Variants in TRABD2A observed in about 807,000 individuals in gnomAD.
The protein encoded by TRABD2A is metalloprotease TIKI1.
Under a neutral mutation model 45.6 loss-of-function variants are expected in TRABD2A, and 43 were observed. The ratio of observed to expected loss-of-function variants is 0.94; its 90% CI spans 0.74 to 1.22. The LOEUF (loss-of-function observed/expected upper bound fraction) is 1.22, where lower values mean the gene tolerates loss of function less well. TRABD2A is among the 50% of genes most tolerant of loss of function. The pLI is 0.00. For synonymous variants in TRABD2A, 269 were observed against 265.0 expected (o/e 1.02, Z -0.15); for missense variants, 642 against 652.4 (o/e 0.98, Z 0.17).
In TRABD2A at chr2:84,824,002, T is replaced by A; in HGVS notation, c.1285A>T (p.Arg429Trp). The change falls in exon 6 of 7, where the codon AGG (arginine) becomes TGG (tryptophan). Residue 429 changes from arginine (R) to tryptophan (W), a missense_variant. Coordinates refer to ENST00000409520, the MANE Select transcript of TRABD2A (RefSeq NM_001277053.2). The part of the protein sequence containing the change: ...FRKKRRRSQR[R>W]PRLRQFSDLW... The stretch of plus-strand genomic sequence containing the variant: ...TCGCTGAATTGCCGGAGTCGCGGCC[T>A]CCGCTGTGACCGCCTCCGCTTCTTC... 3 of 1,613,840 alleles carry A rather than the reference T, an allele frequency of 1.9e-6. No individual in the cohort carries two copies. Among genetic ancestry groups the A allele is most frequent in the Non-Finnish European group, 2.5e-6 (3 of 1,179,782 alleles).
intron 2 of TRABD2A, chr2:84,849,507 A>G (rs559352800): frequency 6.6e-6 from 1 of 152,200 alleles, no homozygotes; most frequent in African/African-American, 2.4e-5. Flanking sequence ...TAATTGCTGC[A>G]TATAAACCAA....
intron 2 of TRABD2A, among the ~76,000 whole-genome samples, chr2:84,845,137 G>A (rs1234367467): frequency 6.6e-6 from 1 of 152,148 alleles, no homozygotes; most frequent in Non-Finnish European, 1.5e-5. Flanking sequence ...GATCCCTTGA[G>A]GTCAGGAGTT....
chr2:84,866,632 T>C (rs185213353), intron 2 of TRABD2A, among the ~76,000 whole-genome samples: 38 of 152,184 alleles, frequency 2.5e-4, no homozygotes, highest in Admixed American at 2.3e-3. Flanking sequence ...CACTGTATGT[T>C]CACTCCCTTC....
chr2:84,838,902 G>A (rs1285039358), intron 4 of TRABD2A, among the ~76,000 whole-genome samples: 2 of 152,218 alleles, frequency 1.3e-5, no homozygotes, highest in Non-Finnish European at 2.9e-5. Context: ...TTTCCCAGCT[G>A]GCTTATGTGT....
chr2:84,822,194 T>G, intron 6 of TRABD2A, 94 bp from the exon 7 acceptor site: 1 of 1,076,468 alleles, frequency 9.3e-7, no homozygotes, highest in Admixed American at 2.9e-5. Flanking sequence ...TCTCTTCATC[T>G]CCCCTCCTTA....
intron 2 of TRABD2A, among the ~76,000 whole-genome samples, chr2:84,844,780 C>T (rs1415128299): frequency 1.3e-5 from 2 of 152,230 alleles, no homozygotes; most frequent in Non-Finnish European, 2.9e-5. Flanking sequence ...CCAAGTCCCA[C>T]ATATTCTGTC....
At chr2:84,834,112 C>G (rs999621509) in intron 4 of TRABD2A, 5 of 152,248 alleles carry the variant, frequency 3.3e-5, no homozygotes, top group African/African-American at 1.2e-4. Context: ...CACACAGACC[C>G]GGGGTGGTGC....
intron 2 of TRABD2A, among the ~76,000 whole-genome samples, chr2:84,844,348 C>G (rs558270421): frequency 2.0e-5 from 3 of 152,174 alleles, no homozygotes; most frequent in Non-Finnish European, 4.4e-5. Flanking sequence ...CCTGCACACG[C>G]TCTCTTGCCT....
At chr2:84,877,205 G>A (rs1045009803) in intron 1 of TRABD2A, among the ~76,000 whole-genome samples, 3 of 151,666 alleles carry the variant, frequency 2.0e-5, no homozygotes, top group Non-Finnish European at 4.4e-5. Context: ...GCCCACTGGC[G>A]AGCCCCCGGA....
At chr2:84,822,461 G>A (rs1015759779) in intron 6 of TRABD2A, among the ~76,000 whole-genome samples, 3 of 152,182 alleles carry the variant, frequency 2.0e-5, no homozygotes, top group Non-Finnish European at 4.4e-5. Context: ...CACAGAGGCA[G>A]AGCCAGACCA....
rs1029586956 is a variant in TRABD2A at position 84,841,841 on chromosome 2, C to A, written c.816+20G>T. The A allele has an allele frequency of 5.3e-6, 8 of 1,496,954 alleles. No homozygotes were observed. Among genetic ancestry groups the A allele is most frequent in the Non-Finnish European group, 1.8e-6 (2 of 1,124,714 alleles). 92.7% of individuals were successfully genotyped at this position (1,496,954 alleles called of 1,614,324 possible). ...ATAATTAAATGTGTGCTGAGCTTGG[C>A]AGGGGGAAAGGGTGCTCACCTGGGA... On this transcript the variant is annotated intron_variant, in intron 3 of 6. Coordinates refer to ENST00000409520, the MANE Select transcript of TRABD2A (RefSeq NM_001277053.2).
At chr2:84,868,529 C>T (rs570639528) in intron 2 of TRABD2A, among the ~76,000 whole-genome samples, 1 of 149,180 alleles carries the variant, frequency 6.7e-6, no homozygotes, top group Non-Finnish European at 1.5e-5. Context: ...AATTAGTTAA[C>T]TAGTTAATTA....
intron 2 of TRABD2A, among the ~76,000 whole-genome samples, chr2:84,847,114 C>T (rs1271472895): frequency 6.6e-6 from 1 of 152,210 alleles, no homozygotes; most frequent in Non-Finnish European, 1.5e-5. Context: ...GTAACTCCCT[C>T]TCCAGTGAGG....
intron 2 of TRABD2A, among the ~76,000 whole-genome samples, chr2:84,853,757 A>C (rs1381020390): frequency 6.6e-6 from 1 of 152,240 alleles, no homozygotes; most frequent in East Asian, 1.9e-4. Flanking sequence ...TGATGGGTGC[A>C]GTGGCTTACG....
chr2:84,829,601 G>A (rs111163451), intron 5 of TRABD2A, among the ~76,000 whole-genome samples: 6,308 of 104,294 alleles, frequency 0.06, 176 homozygotes, highest in Middle Eastern at 0.16. Context: ...CACAACACAC[G>A]TACCACACAC....
At chr2:84,832,891 AG>A (rs1483102819) in intron 4 of TRABD2A, 1 of 152,210 alleles carries the variant, frequency 6.6e-6, no homozygotes, top group Non-Finnish European at 1.5e-5. Flanking sequence ...GTGGGACGGA[AG>A]GAATGGCTAC....
Position 84,860,521 on chromosome 2 carries a change from G to A in TRABD2A, c.669+9704C>T, listed in dbSNP as rs187730156. Among the ~76,000 whole-genome samples, 12 of 152,312 alleles carry A rather than the reference G, an allele frequency of 7.9e-5. No homozygotes were observed. The East Asian group carries it at 1.2e-3, about 15-fold the overall frequency. On this transcript the variant is annotated intron_variant, in intron 2 of 6. Coordinates refer to ENST00000409520, the MANE Select transcript of TRABD2A (RefSeq NM_001277053.2). ...TTCTAGCCTCTAGAATCATGAGGCC[G>A]ACACTTTCTGTTGTTTAAGCCACCC... is the stretch of plus-strand genomic sequence containing the variant.
intron 4 of TRABD2A, chr2:84,837,965 C>A: frequency 2.5e-6 from 1 of 392,964 alleles, no homozygotes; most frequent in Non-Finnish European, 4.5e-6. Context: ...CTATTTCCAG[C>A]AACTATGATG....
Position 84,821,903 on chromosome 2 carries a change from G to A in TRABD2A, c.*14C>T, listed in dbSNP as rs1170921941. Reference sequence around the variant, plus strand: ...GTCCGAGGGGTCAGGTTCTTAGCCTGGTGCTTCCAGTCGTTACAGGAGGGG... The same window carrying A: ...GTCCGAGGGGTCAGGTTCTTAGCCTAGTGCTTCCAGTCGTTACAGGAGGGG... On this transcript the variant is annotated 3_prime_UTR_variant, in exon 7 of 7. Transcript: ENST00000409520. 1 of 1,571,736 alleles carries A rather than the reference G, an allele frequency of 6.4e-7. No individual in the cohort carries two copies. The highest frequency in any genetic ancestry group is 1.8e-5 in the Admixed American group (1 of 54,782).
Sources: gnomAD v4.1 joint callset for allele counts (sites outside exome capture counted in the v4.1 genomes callset) on GRCh38, gnomAD v4.1.1 for gene constraint, MANE v1.5 for transcripts, NCBI Gene and HGNC (gene_info 2026-07-23, HGNC 2026-07-21) for gene names.